DIAPH3: variants seen among roughly 807,000 people sequenced by gnomAD.
The protein encoded by DIAPH3 is diaphanous related formin 3.
In DIAPH3, 117 loss-of-function variants were observed where a neutral mutation model predicts 144.3. The observed-to-expected ratio is 0.81, with a 90% CI of 0.70 to 0.95. The LOEUF is 0.95. Ranked by LOEUF, DIAPH3 falls within the 40% of genes least tolerant of loss-of-function variation. The probability of loss-of-function intolerance (pLI) is 0.00; values close to 1 mark genes in which losing one functional copy is unlikely to be tolerated. For synonymous variants in DIAPH3, 519 were observed against 488.9 expected (o/e 1.06, Z -0.81); for missense variants, 1,421 against 1,412.7 (o/e 1.01, Z -0.09).
chr13:60,151,169 CTT>C (rs1238961485), intron 1 of DIAPH3, among the ~76,000 whole-genome samples: 1 of 140,720 alleles, frequency 7.1e-6, no homozygotes, highest in Admixed American at 6.8e-5. Flanking sequence ...TAACTGAGAA[CTT>C]AACACTATAG....
At chr13:59,781,539 A>G (rs1358063938) in intron 25 of DIAPH3, among the ~76,000 whole-genome samples, 1 of 152,248 alleles carries the variant, frequency 6.6e-6, no homozygotes, top group South Asian at 2.1e-4. Flanking sequence ...CAGCCAGTTT[A>G]GATCACATGG....
chr13:59,718,472 T>G (rs1400560257), intron 27 of DIAPH3, among the ~76,000 whole-genome samples: 20 of 152,158 alleles, frequency 1.3e-4, no homozygotes, highest in Non-Finnish European at 1.5e-5. Flanking sequence ...ATGTTACCGG[T>G]CTAAATGAAA....
intron 4 of DIAPH3, among the ~76,000 whole-genome samples, chr13:60,052,958 T>TAAAAAAA (rs2056407276): frequency 9.4e-5 from 1 of 10,612 alleles, no homozygotes; most frequent in African/African-American, 6.3e-4. Context: ...AGACTCCCTC[T>TAAAAAAA]TAAAAAAAAA....
intron 25 of DIAPH3, among the ~76,000 whole-genome samples, chr13:59,792,267 T>C (rs2039365993): frequency 6.6e-6 from 1 of 152,200 alleles, no homozygotes; most frequent in African/African-American, 2.4e-5. Context: ...TGTCAGGCTG[T>C]CACTTTTTTT....
chr13:59,720,623 G>A (rs1035357380), intron 27 of DIAPH3, among the ~76,000 whole-genome samples: 5 of 151,972 alleles, frequency 3.3e-5, no homozygotes, highest in Admixed American at 6.6e-5. Context: ...AATGATGGTC[G>A]AACAAATAAA....
At chr13:60,136,928 A>G (rs1046438842) in intron 1 of DIAPH3, among the ~76,000 whole-genome samples, 1 of 135,080 alleles carries the variant, frequency 7.4e-6, no homozygotes, top group African/African-American at 2.8e-5. Context: ...CGACAGAGCG[A>G]GACTCCGTCT....
chr13:59,668,090 C>T (rs1323035247), intron 27 of DIAPH3, among the ~76,000 whole-genome samples: 2 of 152,178 alleles, frequency 1.3e-5, no homozygotes, highest in East Asian at 3.8e-4. Context: ...TTGTCTTTCA[C>T]CTTCTATATC....
chr13:60,038,843 C>T (rs1046304821), intron 5 of DIAPH3, among the ~76,000 whole-genome samples: 3 of 149,762 alleles, frequency 2.0e-5, no homozygotes, highest in Non-Finnish European at 4.4e-5. Flanking sequence ...CACTAATTTG[C>T]TATATGCATA....
At chr13:59,680,618 C>T (rs551209998) in intron 27 of DIAPH3, among the ~76,000 whole-genome samples, 1 of 151,136 alleles carries the variant, frequency 6.6e-6, no homozygotes, top group African/African-American at 2.4e-5. Context: ...GCTATAGCCA[C>T]TAGAGGTCAG....
chr13:60,149,664 G>T (rs560298421), intron 1 of DIAPH3, among the ~76,000 whole-genome samples: 1 of 146,786 alleles, frequency 6.8e-6, no homozygotes, highest in Non-Finnish European at 1.5e-5. Flanking sequence ...GAGGTGGGAG[G>T]ATCACATGAG....
chr13:59,808,367 CAAAG>C (rs2040299400), intron 25 of DIAPH3, among the ~76,000 whole-genome samples: 1 of 151,682 alleles, frequency 6.6e-6, no homozygotes, highest in African/African-American at 2.4e-5. Context: ...TAGTAATACT[CAAAG>C]AAATGCAAAT....
intron 25 of DIAPH3, among the ~76,000 whole-genome samples, chr13:59,777,782 GA>G (rs2038500956): frequency 6.6e-6 from 1 of 152,104 alleles, no homozygotes; most frequent in Non-Finnish European, 1.5e-5. Flanking sequence ...TCAATATCAT[GA>G]AAGATAAAGA....
At chr13:59,804,664 A>C (rs1157663524) in intron 25 of DIAPH3, among the ~76,000 whole-genome samples, 1 of 152,134 alleles carries the variant, frequency 6.6e-6, no homozygotes, top group Non-Finnish European at 1.5e-5. Flanking sequence ...TATCCAAGCC[A>C]ATGCAATTCC....
chr13:59,943,022 TATATAA>T (rs1413758017), intron 17 of DIAPH3, among the ~76,000 whole-genome samples: 2 of 152,196 alleles, frequency 1.3e-5, no homozygotes, highest in African/African-American at 4.8e-5. Context: ...TTTCCATATA[TATATAA>T]GCATTTGTTG....
intron 27 of DIAPH3, among the ~76,000 whole-genome samples, chr13:59,770,834 A>G (rs192510915): frequency 2.0e-5 from 3 of 152,320 alleles, no homozygotes; most frequent in African/African-American, 7.2e-5. Flanking sequence ...GCATTCTTGG[A>G]AGATATCTAT....
chr13:59,911,863 T>A, intron 19 of DIAPH3, 27 bp from the exon 20 acceptor site: 1 of 1,459,594 alleles, frequency 6.9e-7, no homozygotes, highest in Non-Finnish European at 9.6e-7. Context: ...GAAAGAAAGA[T>A]CTTCACTAAA....
chr13:59,970,077 C>T lies in DIAPH3; in HGVS notation c.1960-19G>A. ...GTCTGATCTACAATCAGAGAGAAGA[C>T]TGATTCATCAATAGGTGAGTGTTTC... On this transcript the variant is annotated intron_variant, in intron 16 of 27. Coordinates refer to ENST00000400324, the MANE Select transcript of DIAPH3 (RefSeq NM_001042517.2). 1 of 1,456,540 alleles carries T rather than the reference C, an allele frequency of 6.9e-7. No homozygotes were observed. Among genetic ancestry groups the T allele is most frequent in the African/African-American group, 1.4e-5 (1 of 71,822 alleles). The allele number at this position is 1,456,540 out of a possible 1,614,324, so 90.2% of individuals were successfully genotyped here. A position where few individuals can be genotyped will look rare whatever the true frequency, so the allele number is the denominator to read the frequency against.
At chr13:59,748,152 GC>G (rs1290662233) in intron 27 of DIAPH3, among the ~76,000 whole-genome samples, 1 of 152,282 alleles carries the variant, frequency 6.6e-6, no homozygotes, top group South Asian at 2.1e-4. Context: ...CTGCTTTCCT[GC>G]TAAGTTTGAA....
intron 25 of DIAPH3, among the ~76,000 whole-genome samples, chr13:59,803,713 A>C (rs1209490755): frequency 6.6e-6 from 1 of 152,194 alleles, no homozygotes; most frequent in African/African-American, 2.4e-5. Flanking sequence ...TGCATGGAGA[A>C]GACGCAAATT....
Sources: gnomAD v4.1 joint callset for allele counts (sites outside exome capture counted in the v4.1 genomes callset) on GRCh38, gnomAD v4.1.1 for gene constraint, MANE v1.5 for transcripts, NCBI Gene and HGNC (gene_info 2026-07-23, HGNC 2026-07-21) for gene names.